The following APAF1 variants were observed in gnomAD, a reference collection of about 807,000 sequenced individuals.
APAF1 encodes the protein apoptotic protease-activating factor 1.
In APAF1, 91 loss-of-function variants were observed where a neutral mutation model predicts 152.4. The ratio of observed to expected loss-of-function variants is 0.60; its 90% confidence interval spans 0.50 to 0.71. The LOEUF is 0.71. Among genes scored for constraint, APAF1 ranks in the 30% least tolerant of loss-of-function variants. The pLI is 0.00. For missense variants in APAF1, 1,283 were observed against 1,472.0 expected, an observed-to-expected ratio of 0.87 and a Z score of 2.10; for synonymous variants, 484 against 494.1, an observed-to-expected ratio of 0.98 and a Z score of 0.27.
intron 16 of APAF1, among the ~76,000 whole-genome samples, chr12:98,695,502 C>G (rs2153331839): frequency 1.3e-5 from 2 of 152,216 alleles, no homozygotes; most frequent in South Asian, 4.1e-4. Flanking sequence ...GGAGCTGGGA[C>G]TACAGGTGTG....
In APAF1 at chr12:98,666,211, A is replaced by G; in HGVS notation, c.1216A>G (p.Met406Val). 2 of 1,614,034 alleles carry G rather than the reference A, an allele frequency of 1.2e-6. No homozygotes were observed. Among genetic ancestry groups the G allele is most frequent in the Non-Finnish European group, 1.7e-6 (2 of 1,179,940 alleles). ...PTKVLCILWD[M>V]ETEEVEDILQ... ...CTAGGTGTTATGTATTCTCTGGGACATGGAAACTGAAGAAGTTGAAGACAT... is the reference window on the plus strand; with the variant it reads ...CTAGGTGTTATGTATTCTCTGGGACGTGGAAACTGAAGAAGTTGAAGACAT... Residue 406 changes from methionine (M) to valine (V), a missense_variant, in exon 9 of 27, where the codon ATG (methionine) becomes GTG (valine). Physicochemically the swap from Met to Val is conservative, Grantham distance 21 (BLOSUM62 1). Coordinates refer to ENST00000551964, the MANE Select transcript of APAF1 (RefSeq NM_181861.2).
At chr12:98,654,191 T>C (rs2097653455) in intron 4 of APAF1, among the ~76,000 whole-genome samples, 1 of 152,184 alleles carries the variant, frequency 6.6e-6, no homozygotes, top group African/African-American at 2.4e-5. Flanking sequence ...TGGTTAGAGA[T>C]TTACATATCA....
intron 22 of APAF1, among the ~76,000 whole-genome samples, chr12:98,716,809 C>T (rs556846260): frequency 6.6e-6 from 1 of 152,162 alleles, no homozygotes; most frequent in South Asian, 2.1e-4. Flanking sequence ...ATCTCCCGGA[C>T]TGATAATCTA....
At chr12:98,687,686 A>G (rs1174614615) in intron 16 of APAF1, among the ~76,000 whole-genome samples, 1 of 152,140 alleles carries the variant, frequency 6.6e-6, no homozygotes, top group Non-Finnish European at 1.5e-5. Context: ...CTCATGACCT[A>G]ATCACTTTTG....
chr12:98,661,678 A>G (rs1393872053), intron 5 of APAF1, among the ~76,000 whole-genome samples: 1 of 151,840 alleles, frequency 6.6e-6, no homozygotes, highest in Non-Finnish European at 1.5e-5. Flanking sequence ...CATGTTGGTC[A>G]GGCTGGTCTC....
chr12:98,707,719 A>ATATATATATAT (rs1593094602), intron 19 of APAF1, among the ~76,000 whole-genome samples: 1 of 133,808 alleles, frequency 7.5e-6, no homozygotes, highest in Non-Finnish European at 1.7e-5. Context: ...TATACATATA[A>ATATATATATAT]ATTTACTAAT....
At chr12:98,723,436 T>G in intron 23 of APAF1, 124 bp downstream of exon 23, 1 of 1,148,514 alleles carries the variant, frequency 8.7e-7, no homozygotes, top group South Asian at 1.4e-5. Flanking sequence ...TTTCTCATGC[T>G]TGTTTTCTGT....
chr12:98,674,265 T>C (rs1226527524), intron 12 of APAF1, among the ~76,000 whole-genome samples: 1 of 152,210 alleles, frequency 6.6e-6, no homozygotes, highest in Non-Finnish European at 1.5e-5. Context: ...GTTCTTGGAT[T>C]ACAGGCATGA....
chr12:98,660,108 G>A (rs1185126974), intron 5 of APAF1, among the ~76,000 whole-genome samples: 1 of 152,206 alleles, frequency 6.6e-6, no homozygotes. Context: ...CACTTTGGGA[G>A]GCCATGGTGG....
intron 26 of APAF1, among the ~76,000 whole-genome samples, chr12:98,727,988 AAAAAAT>A (rs1565897380): frequency 1.0e-4 from 15 of 150,210 alleles, no homozygotes; most frequent in Non-Finnish European, 1.0e-4. Context: ...TAATTAATTA[AAAAAAT>A]AAATAAAAAG....
At chr12:98,662,226 G>GATTT (rs1398626667) in intron 5 of APAF1, among the ~76,000 whole-genome samples, 2 of 144,168 alleles carry the variant, frequency 1.4e-5, no homozygotes, top group African/African-American at 5.1e-5. Context: ...AATATGTTCT[G>GATTT]ATTTAGGGTT....
At chr12:98,667,692 A>G (rs369341962) in intron 10 of APAF1, 48 bp downstream of exon 10, 5 of 1,588,342 alleles carry the variant, frequency 3.1e-6, no homozygotes, top group East Asian at 2.2e-5. Flanking sequence ...CCCTTTTTCC[A>G]TATGTATTAC....
chr12:98,659,380 C>A, intron 5 of APAF1, 37 bp downstream of exon 5: 4 of 1,601,318 alleles, frequency 2.5e-6, no homozygotes, highest in Non-Finnish European at 3.4e-6. Context: ...TGTCAGGTCC[C>A]ATGTCCCAAT....
At chr12:98,661,486 TA>T (rs1337848625) in intron 5 of APAF1, among the ~76,000 whole-genome samples, 13 of 152,144 alleles carry the variant, frequency 8.5e-5, no homozygotes, top group Non-Finnish European at 1.6e-4. Flanking sequence ...TTTTTATTTT[TA>T]TTTTTTTAGA....
intron 18 of APAF1, among the ~76,000 whole-genome samples, chr12:98,705,178 T>C (rs1328509755): frequency 3.9e-5 from 6 of 152,182 alleles, no homozygotes; most frequent in Admixed American, 3.3e-4. Context: ...TTTCAGCCTT[T>C]CTTGTCACTT....
chr12:98,727,397 G>A, intron 26 of APAF1, 81 bp downstream of exon 26: 1 of 1,529,506 alleles, frequency 6.5e-7, no homozygotes, highest in Non-Finnish European at 9.0e-7. Context: ...CTGTTTCTCA[G>A]TTGGGCCTTT....
intron 19 of APAF1, among the ~76,000 whole-genome samples, chr12:98,707,226 T>C (rs564803343): frequency 1.3e-5 from 2 of 152,204 alleles, no homozygotes; most frequent in African/African-American, 4.8e-5. Context: ...CTTATTCTGC[T>C]CCACTCTGTC....
In APAF1 at chr12:98,703,507, G is replaced by C. The variant is rs370903985; in HGVS notation, c.2595+8G>C. The C allele has an allele frequency of 1.9e-6, 3 of 1,613,960 alleles. No homozygotes were observed. The highest frequency in any genetic ancestry group is 2.7e-5 in the African/African-American group (2 of 74,934). On this transcript the variant is annotated splice_region_variant and intron_variant, in intron 18 of 26. Transcript: ENST00000551964. ...TCCCAGTACTGTGTAGAGGTGAGTAGTTGAATTTATTCTGTGAAGCCTGGG... is the reference window on the plus strand; with the variant it reads ...TCCCAGTACTGTGTAGAGGTGAGTACTTGAATTTATTCTGTGAAGCCTGGG...
intron 5 of APAF1, 47 bp downstream of exon 5, chr12:98,659,390 T>C: frequency 6.3e-7 from 1 of 1,584,496 alleles, no homozygotes; most frequent in Non-Finnish European, 8.7e-7. Flanking sequence ...CATGTCCCAA[T>C]AAGATGTAAC....
Sources: allele counts gnomAD v4.1 joint callset (sites outside exome capture counted in the v4.1 genomes callset), GRCh38; gene constraint gnomAD v4.1.1; transcripts MANE v1.5; gene names NCBI Gene and HGNC (gene_info 2026-07-23, HGNC 2026-07-21).